NFIB: variants seen among roughly 807,000 people sequenced by gnomAD.
The protein encoded by NFIB is nuclear factor I B, also known as nuclear factor 1 B-type.
NFIB carries 11 observed loss-of-function variants against 61.5 expected under a neutral mutation model. The observed-to-expected ratio is 0.18, with a 90% confidence interval of 0.11 to 0.30. The LOEUF (loss-of-function observed/expected upper bound fraction) is 0.30. Among genes scored for constraint, NFIB ranks in the 10% least tolerant of loss-of-function variants. The pLI, the probability that NFIB is intolerant of heterozygous loss-of-function variation, is 1.00. For missense variants in NFIB, 471 were observed against 608.9 expected (o/e 0.77, Z 2.38); for synonymous variants, 260 against 216.5 (o/e 1.20, Z -1.76).
intron 6 of NFIB, among the ~76,000 whole-genome samples, chr9:14,133,061 C>T (rs1042716465): frequency 6.6e-6 from 1 of 152,120 alleles, no homozygotes; most frequent in Non-Finnish European, 1.5e-5. Context: ...TAGAGACAGT[C>T]CAATGGCTGG....
chr9:14,274,346 C>G (rs1215993878), intron 2 of NFIB, among the ~76,000 whole-genome samples: 1 of 151,398 alleles, frequency 6.6e-6, no homozygotes, highest in African/African-American at 2.4e-5. Context: ...CAGAATTTCT[C>G]AGGGGCTTAG....
intron 1 of NFIB, among the ~76,000 whole-genome samples, chr9:14,356,114 A>G (rs1448795221): frequency 6.6e-6 from 1 of 152,226 alleles, no homozygotes; most frequent in African/African-American, 2.4e-5. Context: ...GTGCATATTA[A>G]GATTATGGGG....
At chr9:14,324,780 T>A (rs1191717422) in intron 1 of NFIB, among the ~76,000 whole-genome samples, 1 of 152,124 alleles carries the variant, frequency 6.6e-6, no homozygotes. Flanking sequence ...TCTGTTTCTT[T>A]TGACATGTGA....
At chr9:14,418,418 A>G in the NFIB span, among the ~76,000 whole-genome samples, 1 of 152,106 alleles carries the variant, frequency 6.6e-6, no homozygotes, top group Non-Finnish European at 1.5e-5. Flanking sequence ...TACTAGAATT[A>G]CAAATGAACC....
intron 2 of NFIB, among the ~76,000 whole-genome samples, chr9:14,282,358 T>G (rs2058428922): frequency 6.6e-6 from 1 of 151,988 alleles, no homozygotes; most frequent in Non-Finnish European, 1.5e-5. Flanking sequence ...TAAAGCATGA[T>G]GTTCTCAGAT....
At chr9:14,194,212 T>C (rs1484466230) in intron 2 of NFIB, among the ~76,000 whole-genome samples, 2 of 152,216 alleles carry the variant, frequency 1.3e-5, no homozygotes, top group Non-Finnish European at 1.5e-5. Flanking sequence ...GGAGTCTAAA[T>C]AGACATAAAG....
chr9:14,459,771 T>C, the NFIB span, among the ~76,000 whole-genome samples: 6 of 152,132 alleles, frequency 3.9e-5, no homozygotes, highest in South Asian at 1.0e-3. Flanking sequence ...GAAAAAATGC[T>C]CATCATCACT....
chr9:14,157,216 C>T (rs1191584080), intron 3 of NFIB, among the ~76,000 whole-genome samples: 11 of 152,082 alleles, frequency 7.2e-5, no homozygotes, highest in Admixed American at 6.6e-4. Flanking sequence ...AGCTATATAC[C>T]GAATTACGCA....
At chr9:14,419,919 A>G in the NFIB span, among the ~76,000 whole-genome samples, 1 of 152,212 alleles carries the variant, frequency 6.6e-6, no homozygotes, top group Non-Finnish European at 1.5e-5. Flanking sequence ...AGTTTAAAGG[A>G]ACTACAACAT....
intron 2 of NFIB, among the ~76,000 whole-genome samples, chr9:14,202,737 C>G (rs553808316): frequency 6.6e-5 from 10 of 152,158 alleles, no homozygotes; most frequent in African/African-American, 2.2e-4. Flanking sequence ...AATGGGTAAG[C>G]AAATCTATGC....
intron 1 of NFIB, among the ~76,000 whole-genome samples, chr9:14,309,722 C>T (rs2060195405): frequency 6.6e-6 from 1 of 152,164 alleles, no homozygotes. Flanking sequence ...TTTGTTTATC[C>T]CCTTTAGGAA....
At chr9:14,375,269 T>C (rs1405780974) in intron 1 of NFIB, among the ~76,000 whole-genome samples, 1 of 152,212 alleles carries the variant, frequency 6.6e-6, no homozygotes, top group Non-Finnish European at 1.5e-5. Flanking sequence ...CTAGTTATCA[T>C]TTATTCTCTC....
intron 2 of NFIB, among the ~76,000 whole-genome samples, chr9:14,215,635 A>T (rs1342086006): frequency 6.7e-6 from 1 of 150,188 alleles, no homozygotes; most frequent in Non-Finnish European, 1.5e-5. Flanking sequence ...AAGAAGTCAG[A>T]TAAAGATAAA....
chr9:14,467,572 C>A, the NFIB span, among the ~76,000 whole-genome samples: 1 of 152,068 alleles, frequency 6.6e-6, no homozygotes, highest in Non-Finnish European at 1.5e-5. Context: ...AACTGTTTAT[C>A]CATTCAATAT....
chr9:14,111,966 G>A (rs1017392148), intron 10 of NFIB, among the ~76,000 whole-genome samples: 1 of 152,122 alleles, frequency 6.6e-6, no homozygotes, highest in Non-Finnish European at 1.5e-5. Flanking sequence ...GCACAGTTGA[G>A]GTAGGTCACA....
intron 2 of NFIB, among the ~76,000 whole-genome samples, chr9:14,280,287 T>G (rs564019592): frequency 2.0e-5 from 3 of 152,106 alleles, no homozygotes; most frequent in African/African-American, 4.8e-5. Context: ...TTCCCTCACA[T>G]GTACAAAGGA....
At chr9:14,128,084 C>T (rs895130844) in intron 6 of NFIB, among the ~76,000 whole-genome samples, 1 of 152,008 alleles carries the variant, frequency 6.6e-6, no homozygotes, top group Non-Finnish European at 1.5e-5. Context: ...TACTTAATGT[C>T]GCATAAGAGC....
At chr9:14,126,968 C>T (rs927262516) in intron 6 of NFIB, among the ~76,000 whole-genome samples, 3 of 152,130 alleles carry the variant, frequency 2.0e-5, no homozygotes, top group South Asian at 2.1e-4. Context: ...TCTAGTGAGG[C>T]GATGTGGACA....
At chr9:14,179,209 G>GA (rs922577243) in intron 3 of NFIB, among the ~76,000 whole-genome samples, 30 of 148,148 alleles carry the variant, frequency 2.0e-4, no homozygotes, top group South Asian at 8.5e-4. Flanking sequence ...TTATGCTAAA[G>GA]AAAAAAAAAA....
Sources: gnomAD v4.1 joint callset for allele counts (sites outside exome capture counted in the v4.1 genomes callset) on GRCh38, gnomAD v4.1.1 for gene constraint, MANE v1.5 for transcripts, NCBI Gene and HGNC (gene_info 2026-07-23, HGNC 2026-07-21) for gene names.